CD96: variants seen among roughly 807,000 people sequenced by gnomAD.
The protein encoded by CD96 is CD96 molecule, also known as T-cell surface protein tactile.
A neutral mutation model predicts 71.3 loss-of-function variants in CD96; 70 were observed. That is an observed-to-expected ratio of 0.98 (90% CI 0.81 to 1.20). CD96 has a LOEUF of 1.20. Among genes scored for constraint, CD96 ranks in the 50% most tolerant of loss-of-function variants. CD96 has a pLI of 0.00. For missense variants in CD96, 742 were observed against 677.5 expected (o/e 1.10, Z -1.06); for synonymous variants, 248 against 233.0 (o/e 1.06, Z -0.59).
chr3:111,565,524 TTAAA>T (rs1454990688), intron 2 of CD96, among the ~76,000 whole-genome samples: 1 of 151,884 alleles, frequency 6.6e-6, no homozygotes, highest in Non-Finnish European at 1.5e-5. Context: ...TCAGTATATT[TTAAA>T]TAAATATATA....
downstream of CD96, among the ~76,000 whole-genome samples, chr3:111,653,295 A>G (rs1393181638): frequency 2.6e-5 from 4 of 152,206 alleles, no homozygotes; most frequent in South Asian, 8.3e-4. Context: ...CAACAGGCAC[A>G]TAAGTTAGAT....
intron 2 of CD96, among the ~76,000 whole-genome samples, chr3:111,561,819 C>T (rs552824249): frequency 1.3e-3 from 200 of 151,238 alleles, no homozygotes; most frequent in African/African-American, 4.4e-3. Context: ...TCGCTGCCGA[C>T]TTGCAGTTTG....
At chr3:111,637,001 A>G (rs1200346001) in intron 10 of CD96, among the ~76,000 whole-genome samples, 195 bp from the exon 11 acceptor site, 7 of 152,094 alleles carry the variant, frequency 4.6e-5, no homozygotes, top group Non-Finnish European at 1.0e-4. Flanking sequence ...CCCATTATAG[A>G]CATCTGAACC....
chr3:111,565,715 A>T (rs1156323350), intron 2 of CD96, among the ~76,000 whole-genome samples: 5 of 151,708 alleles, frequency 3.3e-5, no homozygotes, highest in Non-Finnish European at 7.4e-5. Flanking sequence ...TTTTTCAATT[A>T]TGGGCTTGGA....
intron 2 of CD96, among the ~76,000 whole-genome samples, chr3:111,564,536 C>T (rs1375196306): frequency 6.6e-6 from 1 of 152,050 alleles, no homozygotes; most frequent in East Asian, 1.9e-4. Flanking sequence ...TTTTCTTCCA[C>T]TGGACTCATT....
In CD96 at chr3:111,585,776, C is replaced by T. The variant is rs560293439; in HGVS notation, c.807+398C>T. ...CTAATCCATTTCCTTTACCCACTTT[C>T]CCATTGTTTTTATTTCAAAGTGACA... On this transcript the variant is annotated intron_variant, in intron 5 of 13. Transcript: ENST00000352690. Among the ~76,000 whole-genome samples the T allele has an allele frequency of 9.9e-5, 15 of 152,232 alleles. No homozygotes were observed. The South Asian group carries it at 2.9e-3, about 30-fold the overall frequency.
intron 14 of CD96, among the ~76,000 whole-genome samples, chr3:111,664,152 C>T (rs1451536226): frequency 6.6e-6 from 1 of 151,884 alleles, no homozygotes; most frequent in East Asian, 1.9e-4. Context: ...CTAGCAATCA[C>T]ATTATTGGGT....
At chr3:111,604,157 G>T (rs117713350) in intron 7 of CD96, among the ~76,000 whole-genome samples, 1 of 152,136 alleles carries the variant, frequency 6.6e-6, no homozygotes, top group Admixed American at 6.5e-5. Flanking sequence ...GCTTATACAA[G>T]CTCTGAGGAA....
Position 111,626,191 on chromosome 3 carries a change from C to T in CD96, c.1321+1787C>T, listed in dbSNP as rs1040242306. Among the ~76,000 whole-genome samples, 5 of 150,824 alleles carry T rather than the reference C, an allele frequency of 3.3e-5. No individual in the cohort carries two copies. In the East Asian group the frequency reaches 9.8e-4, roughly 30 times the overall value. ...TGGTGGGCACCTGTAGTCCCAGCTA[C>T]TCGGGAGGCTGAGGCAGGAGAATGG... On this transcript the variant is annotated intron_variant, in intron 10 of 13. Transcript: ENST00000352690.
intron 14 of CD96, among the ~76,000 whole-genome samples, chr3:111,660,714 A>G (rs1352456443): frequency 6.6e-6 from 1 of 152,214 alleles, no homozygotes; most frequent in Non-Finnish European, 1.5e-5. Context: ...AAATAAGGCC[A>G]TACATGTACA....
At chr3:111,614,112 A>T (rs1238869866) in intron 8 of CD96, among the ~76,000 whole-genome samples, 1 of 152,050 alleles carries the variant, frequency 6.6e-6, no homozygotes, top group Non-Finnish European at 1.5e-5. Flanking sequence ...ATAATTAAAA[A>T]CTCTTGTCAA....
At chr3:111,582,381 G>A (rs762483507) in intron 4 of CD96, among the ~76,000 whole-genome samples, 3 of 152,126 alleles carry the variant, frequency 2.0e-5, no homozygotes, top group Non-Finnish European at 4.4e-5. Context: ...GTTTGTGCTG[G>A]GCAGTTAAGT....
chr3:111,594,218 C>A (rs779603011), intron 5 of CD96: 4 of 1,569,298 alleles, frequency 2.5e-6, no homozygotes, highest in Non-Finnish European at 3.5e-6. Context: ...TCTTCTACAG[C>A]GTTCTTTATG....
chr3:111,632,861 A>C (rs902769910), intron 10 of CD96, among the ~76,000 whole-genome samples: 51 of 152,210 alleles, frequency 3.4e-4, no homozygotes, highest in Admixed American at 6.5e-4. Flanking sequence ...CAGCAAACTA[A>C]TGCAGGAATA....
At chr3:111,615,081 T>C (rs1938162279) in intron 8 of CD96, among the ~76,000 whole-genome samples, 1 of 152,242 alleles carries the variant, frequency 6.6e-6, no homozygotes, top group South Asian at 2.1e-4. Context: ...TGAGGTGGCT[T>C]GTGCCCTGTA....
chr3:111,608,275 TAA>T (rs1937726353), intron 8 of CD96, among the ~76,000 whole-genome samples: 1 of 152,246 alleles, frequency 6.6e-6, no homozygotes, highest in African/African-American at 2.4e-5. Context: ...ACAGTGTGAC[TAA>T]GTCAAAAGCC....
downstream of CD96, among the ~76,000 whole-genome samples, chr3:111,653,886 C>A (rs1458345496): frequency 6.6e-6 from 1 of 151,360 alleles, no homozygotes; most frequent in Admixed American, 6.6e-5. Flanking sequence ...AAATAATTAA[C>A]CCTGGGGGAT....
intron 10 of CD96, among the ~76,000 whole-genome samples, chr3:111,630,853 C>T (rs546248822): frequency 1.3e-5 from 2 of 152,334 alleles, no homozygotes; most frequent in African/African-American, 4.8e-5. Context: ...GCTGGTTCTA[C>T]ATACACTAAT....
At chr3:111,633,287 C>T (rs538044069) in intron 10 of CD96, among the ~76,000 whole-genome samples, 51 of 152,228 alleles carry the variant, frequency 3.4e-4, no homozygotes, top group Non-Finnish European at 1.5e-4. Context: ...CCATCTTCTA[C>T]GGGTGCAGTT....
Sources: allele counts gnomAD v4.1 joint callset (sites outside exome capture counted in the v4.1 genomes callset), GRCh38; gene constraint gnomAD v4.1.1; transcripts MANE v1.5; gene names NCBI Gene and HGNC (gene_info 2026-07-23, HGNC 2026-07-21).